The following ALKBH7 variants were observed in gnomAD, a reference collection of about 807,000 sequenced individuals.
ALKBH7 encodes alkB homolog 7, RNA demethylase.
Under a neutral mutation model 19.3 loss-of-function variants are expected in ALKBH7, and 21 were observed. The observed-to-expected ratio is 1.09, with a 90% CI of 0.77 to 1.56. The LOEUF is 1.56. Ranked by LOEUF, ALKBH7 falls within the 40% of genes most tolerant of loss-of-function variation. The pLI is 0.00. For missense variants in ALKBH7, 354 were observed against 311.4 expected, an observed-to-expected ratio of 1.14 and a Z score of -1.03; for synonymous variants, 147 against 139.5, an observed-to-expected ratio of 1.05 and a Z score of -0.38.
rs138358178 is a variant in ALKBH7 at position 6,374,480 on chromosome 19, A to G, written c.394A>G (p.Ile132Val). 5.2e-5 allele frequency: 84 copies of G among 1,613,714 alleles called. No homozygotes were observed. In the African/African-American group the frequency reaches 1.0e-3, roughly 19 times the overall value. ...TCTTTTGCAGTTCTGCGGGGCCACC[A>G]TCGCCGGCCTGTCTCTCCTGTCTCC... ...VDSIKFCGAT[I>V]AGLSLLSPSV... Residue 132 changes from isoleucine (I) to valine (V), a missense_variant, in exon 3 of 4, where the codon ATC (isoleucine) becomes GTC (valine). Ile to Val is a conservative substitution (Grantham distance 29). Coordinates refer to ENST00000245812, the MANE Select transcript of ALKBH7 (RefSeq NM_032306.4).
Position 6,375,196 on chromosome 19 carries a change from C to T in ALKBH7, c.*223C>T. ...TGCACTCACTGCTGGTCGCCCCAGC[C>T]CACTCCCCTCCTCGTTGTCTCTGCA... On this transcript the variant is annotated 3_prime_UTR_variant, in exon 4 of 4. Transcript: ENST00000245812. 2.2e-6 allele frequency: 3 copies of T among 1,341,766 alleles called. No homozygotes were observed. The highest frequency in any genetic ancestry group is 2.9e-6 in the Non-Finnish European group (3 of 1,032,652). The allele number at this position is 1,341,766 out of a possible 1,614,324, so 83.1% of individuals were successfully genotyped here.
chr19:6,373,646 G>T (rs2091904304), intron 1 of ALKBH7: 3 of 1,250,044 alleles, frequency 2.4e-6, no homozygotes, highest in Non-Finnish European at 2.0e-6. Context: ...ATGCTGTGGG[G>T]GGGACGGGGA....
chr19:6,374,528 A>C lies in ALKBH7; in HGVS notation c.442A>C (p.Thr148Pro), dbSNP rs1242059605. ...TCCCAGCGTTATGCGGCTGGTGCAC[A>C]CCCAGGAGCCGGGGGAGTGGCTGGA... ...LSPSVMRLVH[T>P]QEPGEWLELL... The change falls in exon 3 of 4, where the codon ACC becomes CCC. Residue 148 changes from threonine to proline, a missense_variant. Physicochemically the swap from Thr to Pro is conservative, Grantham distance 38 (BLOSUM62 -1). Transcript: ENST00000245812. 2 of 1,613,850 alleles carry C rather than the reference A, an allele frequency of 1.2e-6. No homozygotes were observed. Among genetic ancestry groups the C allele is most frequent in the East Asian group, 4.5e-5 (2 of 44,868 alleles).
Position 6,374,576 on chromosome 19 carries a change from C to T in ALKBH7, c.490C>T (p.Leu164Phe). The T allele has an allele frequency of 3.7e-6, 6 of 1,613,306 alleles. No individual in the cohort carries two copies. The highest frequency in any genetic ancestry group is 5.1e-6 in the Non-Finnish European group (6 of 1,179,956). ...GGAACTCTTGCTGGAGCCGGGCTCC[C>T]TCTACATCCTTAGGTACCTCCATCC... ...WLELLLEPGS[L>F]YILRGSARYD... is the part of the protein sequence containing the mutation. The change falls in exon 3 of 4, where the codon CTC becomes TTC. Residue 164 changes from leucine to phenylalanine, a missense_variant. Coordinates refer to ENST00000245812, the MANE Select transcript of ALKBH7 (RefSeq NM_032306.4).
In ALKBH7 at chr19:6,374,574, C is replaced by T; in HGVS notation, c.488C>T (p.Ser163Phe). ...CTGGAACTCTTGCTGGAGCCGGGCT[C>T]CCTCTACATCCTTAGGTACCTCCAT... ...EWLELLLEPG[S>F]LYILRGSARY... is the part of the protein sequence containing the mutation. The change falls in exon 3 of 4, where the codon TCC (serine) becomes TTC (phenylalanine). Residue 163 changes from serine (S) to phenylalanine (F), a missense_variant. Physicochemically the swap from Ser to Phe is radical, Grantham distance 155 (BLOSUM62 -2). Transcript: ENST00000245812. 6.2e-7 allele frequency: 1 copy of T among 1,613,308 alleles called. No homozygotes were observed. The highest frequency in any genetic ancestry group is 8.5e-7 in the Non-Finnish European group (1 of 1,179,954).
Position 6,375,118 on chromosome 19 carries a change from G to GCTCCA in ALKBH7, c.*147_*148insCCACT, listed in dbSNP as rs1425881006. The GCTCCA allele has an allele frequency of 1.1e-4, 143 of 1,321,032 alleles. No homozygotes were observed. Among genetic ancestry groups the GCTCCA allele is most frequent in the Non-Finnish European group, 1.4e-4 (137 of 999,684 alleles). The allele number at this position is 1,321,032 out of a possible 1,614,324, so 81.8% of individuals were successfully genotyped here. On this transcript the variant is annotated 3_prime_UTR_variant, in exon 4 of 4. Transcript: ENST00000245812. The stretch of plus-strand genomic sequence containing the variant: ...TGGCCCATAGGGAGCTCCAGGTGTG[G>GCTCCA]CTGGCTGGACACATGGTCAAAGTCA...
At chr19:6,374,041 CACCT>C in intron 1 of ALKBH7, 158 bp from the exon 2 acceptor site, 1 of 985,184 alleles carries the variant, frequency 1.0e-6, no homozygotes, top group South Asian at 4.7e-5. Flanking sequence ...ACTGAGGTCA[CACCT>C]AGGTAGGGCC....
Position 6,372,865 on chromosome 19 carries a change from C to T in ALKBH7, c.45C>T (p.Pro15=), listed in dbSNP as rs1263626758. 2 of 1,550,514 alleles carry T rather than the reference C, an allele frequency of 1.3e-6. No individual in the cohort carries two copies. Among genetic ancestry groups the T allele is most frequent in the Non-Finnish European group, 1.7e-6 (2 of 1,151,276 alleles). ...TGGCGCTGCGGACGCTGCCAGGGCCCAGCTGGGTGCGAGGCTCGGGCCCTT... is the reference window on the plus strand; with the variant it reads ...TGGCGCTGCGGACGCTGCCAGGGCCTAGCTGGGTGCGAGGCTCGGGCCCTT... The part of the protein sequence containing the change: ...GLLALRTLPG[P]SWVRGSGPSV... Residue 15 remains proline, a synonymous_variant, in exon 1 of 4, where the codon CCC becomes CCT. Transcript: ENST00000245812.
chr19:6,374,486 G>A lies in ALKBH7; in HGVS notation c.400G>A (p.Gly134Ser). Residue 134 changes from glycine to serine, a missense_variant, in exon 3 of 4, where the codon GGC becomes AGC. Physicochemically the swap from Gly to Ser is moderately conservative, Grantham distance 56 (BLOSUM62 0). Transcript: ENST00000245812. ...GCAGTTCTGCGGGGCCACCATCGCC[G>A]GCCTGTCTCTCCTGTCTCCCAGCGT... ...SIKFCGATIA[G>S]LSLLSPSVMR... The A allele has an allele frequency of 3.1e-6, 5 of 1,613,954 alleles. No individual in the cohort carries two copies. Among genetic ancestry groups the A allele is most frequent in the Non-Finnish European group, 4.2e-6 (5 of 1,179,948 alleles).
Position 6,372,804 on chromosome 19 carries a change from G to A in ALKBH7, c.-17G>A, listed in dbSNP as rs1043598865. The stretch of plus-strand genomic sequence containing the variant: ...GTTCCCCAACCCTGCCCTCTCTCAT[G>A]ACCCCGCTCCGGGATTATGGCCGGG... On this transcript the variant is annotated 5_prime_UTR_variant, in exon 1 of 4. The change abolishes an upstream ATG in the 5' untranslated region. Transcript: ENST00000245812. The A allele has an allele frequency of 4.6e-6, 7 of 1,536,558 alleles. No individual in the cohort carries two copies. In the African/African-American group the frequency reaches 6.8e-5, roughly 15 times the overall value.
At chr19:6,373,857 T>C in intron 1 of ALKBH7, 4 of 1,313,190 alleles carry the variant, frequency 3.0e-6, no homozygotes, top group Non-Finnish European at 3.9e-6. Context: ...GAGAGCACTT[T>C]TGCGACCTGG....
Position 6,374,888 on chromosome 19 carries a change from G to C in ALKBH7, c.581G>C (p.Arg194Pro). Residue 194 changes from arginine (R) to proline (P), a missense_variant, in exon 4 of 4, where the codon CGG becomes CCG. By Grantham distance (103) the Arg-to-Pro change is moderately radical. Transcript: ENST00000245812. The stretch of plus-strand genomic sequence containing the variant: ...TTCTTTGGGGAACGCCGGATTCCCC[G>C]GGGCCGGCGCATCTCCGTGATCTGC... ...ESFFGERRIP[R>P]GRRISVICRS... is the part of the protein sequence containing the mutation. 2.5e-6 allele frequency: 4 copies of C among 1,614,098 alleles called. No individual in the cohort carries two copies. Among genetic ancestry groups the C allele is most frequent in the East Asian group, 2.2e-5 (1 of 44,882 alleles).
In ALKBH7 at chr19:6,372,814, C is replaced by T. The variant is rs761064488; in HGVS notation, c.-7C>T. 5.3e-5 allele frequency: 82 copies of T among 1,541,370 alleles called. No homozygotes were observed. Among genetic ancestry groups the T allele is most frequent in the Middle Eastern group, 4.6e-4 (2 of 4,362 alleles). On this transcript the variant is annotated 5_prime_UTR_variant, in exon 1 of 4. Transcript: ENST00000245812. Reference sequence around the variant, plus strand: ...CCTGCCCTCTCTCATGACCCCGCTCCGGGATTATGGCCGGGACTGGGCTGC... The same window carrying T: ...CCTGCCCTCTCTCATGACCCCGCTCTGGGATTATGGCCGGGACTGGGCTGC...
In ALKBH7 at chr19:6,374,975, C is replaced by A; in HGVS notation, c.*2C>A. 1 of 1,588,758 alleles carries A rather than the reference C, an allele frequency of 6.3e-7. No homozygotes were observed. The highest frequency in any genetic ancestry group is 8.6e-7 in the Non-Finnish European group (1 of 1,164,912). On this transcript the variant is annotated 3_prime_UTR_variant, in exon 4 of 4. Transcript: ENST00000245812. The stretch of plus-strand genomic sequence containing the variant: ...GGACAGCCGCCCCCAGCCTGCTGAC[C>A]CCCAGCTTTCTACAGACACCAGATT...
In ALKBH7 at chr19:6,374,283, C is replaced by T. The variant is rs752351641; in HGVS notation, c.285C>T (p.Ala95=). The change falls in exon 2 of 4, where the codon GCC becomes GCT. Residue 95 remains alanine (A), a synonymous_variant. Coordinates refer to ENST00000245812, the MANE Select transcript of ALKBH7 (RefSeq NM_032306.4). ...CCATCCTGCAGCGCGTGCAGGCGGC[C>T]GCCTTTGGCCCCGGCCAGACCCTGC... The part of the protein sequence containing the change: ...SRAILQRVQA[A]AFGPGQTLLS... The T allele has an allele frequency of 1.3e-4, 202 of 1,613,022 alleles. No individual in the cohort carries two copies. Among genetic ancestry groups the T allele is most frequent in the Non-Finnish European group, 1.7e-4 (198 of 1,179,746 alleles).
chr19:6,372,807 C>A lies in ALKBH7; in HGVS notation c.-14C>A. ...CCCCAACCCTGCCCTCTCTCATGACCCCGCTCCGGGATTATGGCCGGGACT... is the reference window on the plus strand; with the variant it reads ...CCCCAACCCTGCCCTCTCTCATGACACCGCTCCGGGATTATGGCCGGGACT... On this transcript the variant is annotated 5_prime_UTR_variant, in exon 1 of 4. Coordinates refer to ENST00000245812, the MANE Select transcript of ALKBH7 (RefSeq NM_032306.4). 1.3e-6 allele frequency: 2 copies of A among 1,539,510 alleles called. No individual in the cohort carries two copies. Among genetic ancestry groups the A allele is most frequent in the South Asian group, 1.2e-5 (1 of 84,050 alleles).
At chr19:6,374,434 A>T (rs773980847) in intron 2 of ALKBH7, 31 bp from the exon 3 acceptor site, 1 of 1,611,464 alleles carries the variant, frequency 6.2e-7, no homozygotes, top group Non-Finnish European at 8.5e-7. Flanking sequence ...GCCCGGTTAG[A>T]TCCTGACCCA....
Position 6,375,222 on chromosome 19 carries a change from T to C in ALKBH7, c.*249T>C. On this transcript the variant is annotated 3_prime_UTR_variant, in exon 4 of 4. Coordinates refer to ENST00000245812, the MANE Select transcript of ALKBH7 (RefSeq NM_032306.4). ...CACTCCCCTCCTCGTTGTCTCTGCA[T>C]CCAGGTCTCCAATAAATAAGTCAGC... 16 of 1,375,708 alleles carry C rather than the reference T, an allele frequency of 1.2e-5. No homozygotes were observed. The highest frequency in any genetic ancestry group is 1.5e-5 in the Non-Finnish European group (16 of 1,066,608). 85.2% of individuals were successfully genotyped at this position (1,375,708 alleles called of 1,614,324 possible).
At chr19:6,373,107 G>T (rs1393337566) in intron 1 of ALKBH7, 83 bp downstream of exon 1, 1 of 1,472,512 alleles carries the variant, frequency 6.8e-7, no homozygotes, top group African/African-American at 1.4e-5. Context: ...ATGGGGCGGG[G>T]ACACGCTGGG....
Sources: allele counts gnomAD v4.1 joint callset, GRCh38; gene constraint gnomAD v4.1.1; transcripts MANE v1.5; gene names NCBI Gene and HGNC (gene_info 2026-07-23, HGNC 2026-07-21).